Variants in N4BP2 observed in about 807,000 individuals in gnomAD.
N4BP2 encodes NEDD4-binding protein 2.
Under a neutral mutation model 152.8 loss-of-function variants are expected in N4BP2, and 91 were observed. That is an observed-to-expected ratio of 0.60 (90% CI 0.50 to 0.71). The LOEUF is 0.71. Among genes scored for constraint, N4BP2 ranks in the 30% least tolerant of loss-of-function variants. N4BP2 has a pLI of 0.00. For missense variants in N4BP2, 1,923 were observed against 2,059.1 expected (o/e 0.93, Z 1.28); for synonymous variants, 646 against 705.3 (o/e 0.92, Z 1.33).
the N4BP2 span, among the ~76,000 whole-genome samples, chr4:40,163,292 C>T: frequency 6.7e-6 from 1 of 150,352 alleles, no homozygotes; most frequent in African/African-American, 2.5e-5. Flanking sequence ...GTATTATTGC[C>T]CACATGGCCG....
At chr4:40,129,749 G>A (rs909902208) in intron 12 of N4BP2, among the ~76,000 whole-genome samples, 1 of 151,908 alleles carries the variant, frequency 6.6e-6, no homozygotes, top group Non-Finnish European at 1.5e-5. Context: ...GGGATTGTAA[G>A]TGTAAATGAC....
At chr4:40,153,597 C>T (rs1721327940) in intron 17 of N4BP2, among the ~76,000 whole-genome samples, 1 of 152,128 alleles carries the variant, frequency 6.6e-6, no homozygotes, top group African/African-American at 2.4e-5. Flanking sequence ...TTAACTCCTA[C>T]CCACCAATTT....
In N4BP2 at chr4:40,084,431, G is replaced by C. The variant is rs146100707; in HGVS notation, c.-115+10880G>C. The stretch of plus-strand genomic sequence containing the variant: ...GGTCACTTTTAGATATGCCTGGTTT[G>C]AGATTTTTTTTTTTTTTCCTCCGAG... On this transcript the variant is annotated intron_variant, in intron 2 of 17. Transcript: ENST00000261435. Among the ~76,000 whole-genome samples, 839 of 142,444 alleles carry C rather than the reference G, an allele frequency of 5.9e-3. 7 individuals are homozygous for C. The highest frequency in any genetic ancestry group is 0.02 in the African/African-American group (793 of 39,604). The allele number at this position is 142,444 out of a possible 152,430, so 93.4% of individuals were successfully genotyped here.
chr4:40,097,163 T>G, intron 2 of N4BP2, 64 bp from the exon 3 acceptor site: 1 of 549,628 alleles, frequency 1.8e-6, no homozygotes, highest in Non-Finnish European at 3.2e-6. Context: ...AATAAAGATG[T>G]CATTCCGATT....
At chr4:40,175,105 A>G in the N4BP2 span, among the ~76,000 whole-genome samples, 3 of 152,086 alleles carry the variant, frequency 2.0e-5, no homozygotes, top group African/African-American at 7.2e-5. Context: ...ACTGCAGCCT[A>G]GAATTCCTGG....
chr4:40,165,025 A>C, the N4BP2 span, among the ~76,000 whole-genome samples: 1 of 152,058 alleles, frequency 6.6e-6, no homozygotes, highest in Non-Finnish European at 1.5e-5. Context: ...AGATAAAATT[A>C]TATTTTTTTT....
At chr4:40,171,373 C>G in the N4BP2 span, among the ~76,000 whole-genome samples, 1 of 152,194 alleles carries the variant, frequency 6.6e-6, no homozygotes, top group South Asian at 2.1e-4. Context: ...GGTGTTGGTG[C>G]TACCTTTGCT....
chr4:40,059,866 G>C (rs1733519971), intron 1 of N4BP2, among the ~76,000 whole-genome samples: 2 of 152,260 alleles, frequency 1.3e-5, no homozygotes, highest in African/African-American at 4.8e-5. Flanking sequence ...ATTCTTACAG[G>C]GGAGGAGACA....
intron 1 of N4BP2, among the ~76,000 whole-genome samples, chr4:40,066,371 T>G (rs151262830): frequency 0.02 from 2,995 of 147,892 alleles, 109 homozygotes; most frequent in African/African-American, 0.07. Context: ...CAGGCTGAAG[T>G]GCAGTGGCAT....
chr4:40,180,225 A>T, the N4BP2 span, among the ~76,000 whole-genome samples: 3 of 152,206 alleles, frequency 2.0e-5, no homozygotes, highest in African/African-American at 7.2e-5. Flanking sequence ...CTAAACTGAT[A>T]TAACAATATT....
chr4:40,146,133 A>G (rs997840184), intron 16 of N4BP2, among the ~76,000 whole-genome samples: 10 of 152,180 alleles, frequency 6.6e-5, no homozygotes, highest in African/African-American at 2.2e-4. Flanking sequence ...ACTGCCCTCC[A>G]GCCTGGGTGA....
chr4:40,104,905 C>T (rs939453977), intron 4 of N4BP2, among the ~76,000 whole-genome samples: 9 of 151,280 alleles, frequency 5.9e-5, no homozygotes, highest in Non-Finnish European at 8.8e-5. Context: ...CCCAGGTTCA[C>T]GCCATTCTCC....
intron 2 of N4BP2, among the ~76,000 whole-genome samples, chr4:40,091,847 G>A (rs796476598): frequency 2.7e-4 from 40 of 148,044 alleles, no homozygotes; most frequent in African/African-American, 9.4e-4. Context: ...GGGCTCAAGC[G>A]ATCCTCCCAA....
At chr4:40,163,987 C>T in the N4BP2 span, among the ~76,000 whole-genome samples, 3 of 152,140 alleles carry the variant, frequency 2.0e-5, no homozygotes, top group Non-Finnish European at 2.9e-5. Context: ...TGACTTTTCT[C>T]CAGCAATTCT....
the N4BP2 span, among the ~76,000 whole-genome samples, chr4:40,179,476 G>C: frequency 6.6e-6 from 1 of 152,182 alleles, no homozygotes; most frequent in South Asian, 2.1e-4. Context: ...TGTTGCAAGA[G>C]GGTGCTAAGC....
rs1488823081 is a variant in N4BP2 at position 40,113,454 on chromosome 4, T to G, written c.1610T>G (p.Val537Gly). The G allele has an allele frequency of 6.2e-7, 1 of 1,613,070 alleles. No homozygotes were observed. Residue 537 changes from valine to glycine, a missense_variant, in exon 7 of 18, where the codon GTC (valine) becomes GGC (glycine). Transcript: ENST00000261435. ...VALSQKHKYK[V>G]LFREPDTWWK... ...TAGTCTCAGAAACACAAATATAAAGTCCTTTTTCGGGAACCAGACACATGG... is the reference window on the plus strand; with the variant it reads ...TAGTCTCAGAAACACAAATATAAAGGCCTTTTTCGGGAACCAGACACATGG...
chr4:40,070,553 A>G (rs1398657463), intron 1 of N4BP2, among the ~76,000 whole-genome samples: 1 of 152,016 alleles, frequency 6.6e-6, no homozygotes, highest in Non-Finnish European at 1.5e-5. Flanking sequence ...GGCTCAAGCC[A>G]TTCTCCTGCC....
the N4BP2 span, among the ~76,000 whole-genome samples, chr4:40,185,041 T>C: frequency 1.9e-4 from 29 of 152,180 alleles, no homozygotes; most frequent in African/African-American, 6.5e-4. Context: ...TAGCTTACTC[T>C]TTGTAATAAT....
At position 40,071,042 on chromosome 4, in the gene N4BP2, G is replaced by GT. The variant is rs551971486; in HGVS notation, c.-211-2403dup. 5.8e-3 allele frequency among the ~76,000 whole-genome samples: 853 copies of GT among 147,680 alleles called. 4 individuals carry two copies. The highest frequency in any genetic ancestry group is 0.014 in the African/African-American group (546 of 40,322). On this transcript the variant is annotated intron_variant, in intron 1 of 17. Transcript: ENST00000261435. ...GTTTCACCATGTTGGCCAGGCTGGT[G>GT]TTTTTTTTTTAAATGCCAGATTTCA...
Sources: allele counts gnomAD v4.1 joint callset (sites outside exome capture counted in the v4.1 genomes callset), GRCh38; gene constraint gnomAD v4.1.1; transcripts MANE v1.5; gene names NCBI Gene and HGNC (gene_info 2026-07-23, HGNC 2026-07-21).